Variants in SNX2 observed in about 807,000 individuals in gnomAD.
SNX2 encodes sorting nexin-2.
SNX2 carries 25 observed loss-of-function variants against 69.9 expected under a neutral mutation model. That is an observed-to-expected ratio of 0.36 (90% CI 0.26 to 0.50). The LOEUF (loss-of-function observed/expected upper bound fraction) is 0.50. Among genes scored for constraint, SNX2 ranks in the 20% least tolerant of loss-of-function variants. SNX2 has a pLI of 0.97. For synonymous variants in SNX2, 229 were observed against 200.4 expected (o/e 1.14, Z -1.20); for missense variants, 551 against 613.3 (o/e 0.90, Z 1.07).
At chr5:122,778,914 T>C (rs1229543866) in intron 1 of SNX2, among the ~76,000 whole-genome samples, 2 of 152,068 alleles carry the variant, frequency 1.3e-5, no homozygotes, top group East Asian at 1.9e-4. Context: ...AAAAAAGGGA[T>C]GGAGACAGAG....
At position 122,833,189 on chromosome 5, in the gene SNX2, G is replaced by A. The variant is rs1754331327; in HGVS notation, c.*3541G>A. On this transcript the variant is annotated 3_prime_UTR_variant, in exon 15 of 15. Transcript: ENST00000379516. ...TCCTAACCCTCACAGTGAAGGATTT[G>A]GTTTCATGTAACAATGAAAGTAGAT... 6.6e-6 allele frequency: 1 copy of A among 152,110 alleles called. No individual in the cohort carries two copies. The highest frequency in any genetic ancestry group is 1.5e-5 in the Non-Finnish European group (1 of 68,024). The allele number at this position is 152,110 out of a possible 1,614,324, so 9.4% of individuals were successfully genotyped here. A position where few individuals can be genotyped will look rare whatever the true frequency, so the allele number is the denominator to read the frequency against.
At chr5:122,787,227 AC>A (rs1753110050) in intron 1 of SNX2, among the ~76,000 whole-genome samples, 1 of 152,292 alleles carries the variant, frequency 6.6e-6, no homozygotes, top group South Asian at 2.1e-4. Flanking sequence ...TTAAAGATTA[AC>A]AGCTCCCTTG....
chr5:122,803,373 A>G, intron 5 of SNX2, 99 bp from the exon 6 acceptor site: 10 of 1,178,822 alleles, frequency 8.5e-6, no homozygotes, highest in Non-Finnish European at 1.1e-5. Flanking sequence ...ATTCTTTTGC[A>G]AAGTAGATAC....
At chr5:122,798,677 A>G (rs904864523) in intron 2 of SNX2, among the ~76,000 whole-genome samples, 1 of 152,120 alleles carries the variant, frequency 6.6e-6, no homozygotes, top group Non-Finnish European at 1.5e-5. Flanking sequence ...TGTAGTTTAC[A>G]TTATGGCCAC....
chr5:122,794,992 C>T (rs1048528956), intron 1 of SNX2, among the ~76,000 whole-genome samples: 2 of 152,038 alleles, frequency 1.3e-5, no homozygotes, highest in Admixed American at 6.6e-5. Flanking sequence ...CGCTACACTC[C>T]AGCCTGGGCC....
At position 122,808,308 on chromosome 5, in the gene SNX2, C is replaced by A; in HGVS notation, c.675C>A (p.Asp225Glu). 2 of 1,611,346 alleles carry A rather than the reference C, an allele frequency of 1.2e-6. No homozygotes were observed. The highest frequency in any genetic ancestry group is 1.7e-6 in the Non-Finnish European group (2 of 1,178,940). Residue 225 changes from aspartate to glutamate, a missense_variant, in exon 7 of 15, where the codon GAC becomes GAA. Physicochemically the swap from Asp to Glu is conservative, Grantham distance 45. Coordinates refer to ENST00000379516, the MANE Select transcript of SNX2 (RefSeq NM_003100.4). ...CCAAGGTCAAAGTGGGTAAAGAAGA[C>A]TCATCATCCACTGAGTTTGTAGAAA... Reference protein sequence around the residue: ...GMTKVKVGKEDSSSTEFVEKR... With the variant: ...GMTKVKVGKEESSSTEFVEKR...
intron 4 of SNX2, 68 bp downstream of exon 4, chr5:122,802,003 TCATA>T (rs1753527338): frequency 2.6e-6 from 4 of 1,514,100 alleles, no homozygotes; most frequent in Non-Finnish European, 3.7e-6. Flanking sequence ...TGGTTTTTCT[TCATA>T]CATCAATATA....
At chr5:122,811,283 C>G (rs10071135) in intron 7 of SNX2, among the ~76,000 whole-genome samples, 93,738 of 152,044 alleles carry the variant, frequency 0.62, 29,279 homozygotes, top group African/African-American at 0.7. Context: ...ACTCAGTAAA[C>G]TAAGCAGAGA....
chr5:122,783,411 T>C (rs1753018451), intron 1 of SNX2, among the ~76,000 whole-genome samples: 1 of 152,222 alleles, frequency 6.6e-6, no homozygotes, highest in African/African-American at 2.4e-5. Context: ...ATTTTGCTTA[T>C]AGTTTCTTCC....
intron 7 of SNX2, among the ~76,000 whole-genome samples, chr5:122,812,979 T>C (rs1166085532): frequency 1.3e-5 from 2 of 152,218 alleles, no homozygotes. Context: ...TTTGAAAGCC[T>C]TGAGTGATTT....
At chr5:122,786,423 G>A (rs538700339) in intron 1 of SNX2, among the ~76,000 whole-genome samples, 94 of 151,378 alleles carry the variant, frequency 6.2e-4, no homozygotes, top group African/African-American at 2.2e-3. Flanking sequence ...CTCCTTTCTT[G>A]TGGATTACTT....
chr5:122,824,316 T>G, intron 11 of SNX2, among the ~76,000 whole-genome samples: 1 of 152,136 alleles, frequency 6.6e-6, no homozygotes, highest in East Asian at 1.9e-4. Flanking sequence ...ACAATTCTTC[T>G]TCCATTGTGG....
chr5:122,797,262 AGTCTATACTAAATTCTGT>A lies in SNX2; in HGVS notation c.226+1881_226+1898del, dbSNP rs556070426. 1.3e-4 allele frequency among the ~76,000 whole-genome samples: 20 copies of A among 152,346 alleles called. No individual in the cohort carries two copies. The East Asian group carries it at 3.1e-3, about 24-fold the overall frequency. On this transcript the variant is annotated intron_variant, in intron 2 of 14. Transcript: ENST00000379516. ...TTCATAGTGTTTTATTCTACCTAGC[AGTCTATACTAAATTCTGT>A]GAATCAAATATGGTGAATATCAGTG...
intron 8 of SNX2, 34 bp downstream of exon 8, chr5:122,816,005 T>C (rs906956314): frequency 8.3e-7 from 1 of 1,200,068 alleles, no homozygotes; most frequent in Non-Finnish European, 1.2e-6. Context: ...TGTATATGAA[T>C]GTTCTCGTTA....
At chr5:122,781,515 G>A (rs4836246) in intron 1 of SNX2, among the ~76,000 whole-genome samples, 55,877 of 151,946 alleles carry the variant, frequency 0.37, 10,946 homozygotes, top group African/African-American at 0.48. Flanking sequence ...GTTTTGCAGC[G>A]TACATACCTA....
intron 1 of SNX2, among the ~76,000 whole-genome samples, chr5:122,778,568 G>A (rs1207054176): frequency 6.6e-6 from 1 of 152,058 alleles, no homozygotes; most frequent in African/African-American, 2.4e-5. Context: ...GAGTGCAGTG[G>A]TTTGATCTTG....
chr5:122,825,616 T>C (rs1240712409), intron 11 of SNX2, among the ~76,000 whole-genome samples: 1 of 152,046 alleles, frequency 6.6e-6, no homozygotes, highest in Non-Finnish European at 1.5e-5. Flanking sequence ...ATCTTATGAG[T>C]TTTTCCCATT....
At chr5:122,826,591 A>G (rs955183598) in intron 12 of SNX2, 7 of 766,098 alleles carry the variant, frequency 9.1e-6, no homozygotes, top group Admixed American at 6.3e-5. Context: ...GTGAATTTGT[A>G]TAAGTTTATT....
intron 11 of SNX2, among the ~76,000 whole-genome samples, chr5:122,819,945 T>G (rs1753982781): frequency 6.6e-6 from 1 of 152,346 alleles, no homozygotes; most frequent in Non-Finnish European, 1.5e-5. Flanking sequence ...AATGGTGCTT[T>G]CTTTTATTTG....
Sources: gnomAD v4.1 joint callset for allele counts (sites outside exome capture counted in the v4.1 genomes callset) on GRCh38, gnomAD v4.1.1 for gene constraint, MANE v1.5 for transcripts, NCBI Gene and HGNC (gene_info 2026-07-23, HGNC 2026-07-21) for gene names.